The following KALRN variants were observed in gnomAD, a reference collection of about 807,000 sequenced individuals.
KALRN encodes kalirin RhoGEF kinase.
Under a neutral mutation model 353.7 loss-of-function variants are expected in KALRN, and 70 were observed. The observed-to-expected ratio is 0.20, with a 90% CI of 0.16 to 0.24. The LOEUF is 0.24. Ranked by LOEUF, KALRN falls within the 10% of genes least tolerant of loss-of-function variation. KALRN has a pLI of 1.00. For missense variants in KALRN, 2,791 were observed against 3,756.7 expected, an observed-to-expected ratio of 0.74 and a Z score of 6.72; for synonymous variants, 1,391 against 1,434.8, an observed-to-expected ratio of 0.97 and a Z score of 0.69.
chr3:124,617,606 G>A (rs2078762372), intron 34 of KALRN, among the ~76,000 whole-genome samples: 1 of 152,158 alleles, frequency 6.6e-6, no homozygotes, highest in African/African-American at 2.4e-5. Flanking sequence ...AAAGTGAAGG[G>A]TTCTTATAGG....
chr3:124,713,115 C>G lies in KALRN; in HGVS notation c.8256C>G (p.Ser2752=). ...ATGACACCTATGAGTCCCCCACATC[C>G]TACATCCTGATCTTGGAACTGTAAG... ...TLHDTYESPT[S]YILILELMDD... is the part of the protein sequence containing the mutation. Residue 2752 remains serine (S), a synonymous_variant, in exon 58 of 60, where the codon TCC becomes TCG. Coordinates refer to ENST00000682506, the MANE Select transcript of KALRN (RefSeq NM_001388419.1). 6.2e-7 allele frequency: 1 copy of G among 1,613,728 alleles called. No homozygotes were observed. The highest frequency in any genetic ancestry group is 8.5e-7 in the Non-Finnish European group (1 of 1,179,764).
chr3:124,398,484 C>T (rs1439281799), intron 12 of KALRN, among the ~76,000 whole-genome samples: 3 of 152,140 alleles, frequency 2.0e-5, no homozygotes, highest in African/African-American at 7.2e-5. Context: ...TGGAAATAGA[C>T]TTGTGAACCC....
chr3:124,359,423 C>A (rs747220870), intron 10 of KALRN, among the ~76,000 whole-genome samples: 1 of 152,196 alleles, frequency 6.6e-6, no homozygotes, highest in Non-Finnish European at 1.5e-5. Context: ...ATTAAGCTAT[C>A]ACTAATGAAA....
intron 17 of KALRN, among the ~76,000 whole-genome samples, chr3:124,437,428 G>A (rs898862780): frequency 7.9e-5 from 12 of 152,304 alleles, no homozygotes; most frequent in Admixed American, 4.6e-4. Context: ...GGAGGCTCAC[G>A]CCTATAATCC....
intron 14 of KALRN, among the ~76,000 whole-genome samples, chr3:124,421,404 G>A (rs1368714201): frequency 6.6e-6 from 1 of 152,220 alleles, no homozygotes; most frequent in Admixed American, 6.5e-5. Flanking sequence ...CTAAGGAGCA[G>A]TGGTCTATAT....
chr3:124,652,917 G>A (rs902817238), intron 38 of KALRN, among the ~76,000 whole-genome samples: 1 of 151,994 alleles, frequency 6.6e-6, no homozygotes, highest in Non-Finnish European at 1.5e-5. Flanking sequence ...ACCGGCCTTT[G>A]AGCAGTCATT....
chr3:124,183,468 C>G (rs1436463617), intron 1 of KALRN, among the ~76,000 whole-genome samples: 1 of 152,120 alleles, frequency 6.6e-6, no homozygotes, highest in East Asian at 1.9e-4. Flanking sequence ...AGGTCAGCAC[C>G]AAGCCATGAA....
intron 1 of KALRN, among the ~76,000 whole-genome samples, chr3:124,130,124 G>T (rs2065116226): frequency 6.6e-6 from 1 of 152,206 alleles, no homozygotes; most frequent in Non-Finnish European, 1.5e-5. Flanking sequence ...CATGTGACCA[G>T]AACTTATTGA....
In KALRN at chr3:124,246,282, A is replaced by G. The variant is rs189096381; in HGVS notation, c.263+11339A>G. On this transcript the variant is annotated intron_variant, in intron 3 of 59. Coordinates refer to ENST00000682506, the MANE Select transcript of KALRN (RefSeq NM_001388419.1). ...ATCAATGACCCTAACTTAGGGCCAT[A>G]TATTGTGTACCTAAACCTTATCCTG... is the stretch of plus-strand genomic sequence containing the variant. Among the ~76,000 whole-genome samples the G allele has an allele frequency of 4.6e-5, 7 of 152,372 alleles. No homozygotes were observed. The East Asian group carries it at 1.2e-3, about 25-fold the overall frequency.
chr3:124,087,426 G>A (rs1283852519), intron 1 of KALRN, among the ~76,000 whole-genome samples: 1 of 152,090 alleles, frequency 6.6e-6, no homozygotes, highest in South Asian at 2.1e-4. Flanking sequence ...AAATAGATGT[G>A]GTTCTGAGAC....
At chr3:124,245,951 C>A (rs565486911) in intron 3 of KALRN, among the ~76,000 whole-genome samples, 1 of 152,132 alleles carries the variant, frequency 6.6e-6, no homozygotes, top group Non-Finnish European at 1.5e-5. Context: ...CCCAGTATGA[C>A]TTGCAATGTT....
At chr3:124,652,604 T>C (rs3863069) in intron 38 of KALRN, among the ~76,000 whole-genome samples, 5,818 of 149,992 alleles carry the variant, frequency 0.039, 568 homozygotes, top group East Asian at 0.34. Flanking sequence ...TGAGATGGAG[T>C]CTCTCTCTTT....
At chr3:124,628,131 T>C in intron 34 of KALRN, among the ~76,000 whole-genome samples, 2 of 142,432 alleles carry the variant, frequency 1.4e-5, no homozygotes, top group African/African-American at 2.7e-5. Context: ...CATTCACCTT[T>C]CCTTCCATCC....
intron 33 of KALRN, among the ~76,000 whole-genome samples, chr3:124,530,769 G>A (rs578166996): frequency 6.6e-5 from 10 of 152,194 alleles, no homozygotes; most frequent in East Asian, 5.8e-4. Context: ...ATTTGTCTTA[G>A]TATGGCCCCA....
chr3:124,451,972 C>T (rs1387630554), intron 21 of KALRN, among the ~76,000 whole-genome samples: 2 of 152,242 alleles, frequency 1.3e-5, no homozygotes, highest in South Asian at 2.1e-4. Flanking sequence ...AGGGAAACAA[C>T]CCCAATTGAC....
chr3:124,587,698 C>CTTTTTTTTTTTTTTTTTTTTTTTTTT (rs529810541), intron 34 of KALRN, among the ~76,000 whole-genome samples: 17 of 75,858 alleles, frequency 2.2e-4, no homozygotes, highest in South Asian at 4.6e-4. Flanking sequence ...CCACCCTCCA[C>CTTTTTTTTTTTTTTTTTTTTTTTTTT]TTTTTTTTTT....
intron 1 of KALRN, among the ~76,000 whole-genome samples, chr3:124,076,867 C>T (rs552825603): frequency 3.3e-5 from 5 of 152,308 alleles, no homozygotes; most frequent in South Asian, 4.1e-4. Context: ...TCAAGAACAG[C>T]GGCAAATATG....
chr3:124,633,988 ACGTGC>A, intron 36 of KALRN, 35 bp downstream of exon 36: 1 of 1,549,358 alleles, frequency 6.5e-7, no homozygotes, highest in African/African-American at 1.4e-5. Context: ...TAAAAGAGCA[ACGTGC>A]CGTGCGTGAT....
chr3:124,241,434 A>G (rs910668372), intron 3 of KALRN, among the ~76,000 whole-genome samples: 3 of 152,252 alleles, frequency 2.0e-5, no homozygotes, highest in African/African-American at 7.2e-5. Context: ...TAATAGATTA[A>G]TGCAGTGCTA....
Sources: gnomAD v4.1 joint callset for allele counts (sites outside exome capture counted in the v4.1 genomes callset) on GRCh38, gnomAD v4.1.1 for gene constraint, MANE v1.5 for transcripts, NCBI Gene and HGNC (gene_info 2026-07-23, HGNC 2026-07-21) for gene names.